STAM2: variants seen among roughly 807,000 people sequenced by gnomAD.
The protein encoded by STAM2 is signal transducing adapter molecule 2.
Under a neutral mutation model 65.6 loss-of-function variants are expected in STAM2, and 51 were observed. The observed-to-expected ratio is 0.78, with a 90% CI of 0.62 to 0.98. STAM2 has a LOEUF of 0.98. STAM2 is among the 50% of genes least tolerant of loss of function. The probability of loss-of-function intolerance (pLI) is 0.00; values close to 1 mark genes in which losing one functional copy is unlikely to be tolerated. For missense variants in STAM2, 584 were observed against 617.8 expected, an observed-to-expected ratio of 0.95 and a Z score of 0.58; for synonymous variants, 198 against 208.4, an observed-to-expected ratio of 0.95 and a Z score of 0.43.
In STAM2 at chr2:152,175,595, G is replaced by A. The variant is rs1690003584; in HGVS notation, c.40+8C>T. 1 of 1,613,872 alleles carries A rather than the reference G, an allele frequency of 6.2e-7. No individual in the cohort carries two copies. Among genetic ancestry groups the A allele is most frequent in the South Asian group, 1.1e-5 (1 of 91,070 alleles). ...ACACAGCAGTCCAGGACCGGGCACAGCACTCACCCACGTCTTGCTCGAAGG... is the reference window on the plus strand; with the variant it reads ...ACACAGCAGTCCAGGACCGGGCACAACACTCACCCACGTCTTGCTCGAAGG... On this transcript the variant is annotated splice_region_variant and intron_variant, in intron 1 of 13. Coordinates refer to ENST00000263904, the MANE Select transcript of STAM2 (RefSeq NM_005843.6).
chr2:152,144,283 T>C (rs1689300847), intron 6 of STAM2, among the ~76,000 whole-genome samples: 1 of 152,118 alleles, frequency 6.6e-6, no homozygotes, highest in Admixed American at 6.6e-5. Flanking sequence ...ATGGGTAGCT[T>C]TCCATATAGG....
chr2:152,168,305 C>T (rs1689832277), intron 1 of STAM2, among the ~76,000 whole-genome samples: 1 of 151,988 alleles, frequency 6.6e-6, no homozygotes, highest in African/African-American at 2.4e-5. Flanking sequence ...GGACTACAGG[C>T]ATGCACCACA....
At chr2:152,165,309 T>C (rs1252178606) in intron 1 of STAM2, among the ~76,000 whole-genome samples, 1 of 151,776 alleles carries the variant, frequency 6.6e-6, no homozygotes, top group African/African-American at 2.4e-5. Flanking sequence ...CATGCACCTG[T>C]AGTCCCAACT....
intron 1 of STAM2, among the ~76,000 whole-genome samples, chr2:152,152,907 C>T (rs1560219480): frequency 6.6e-6 from 1 of 152,116 alleles, no homozygotes. Context: ...CAAAAGAAGA[C>T]AGGGGCTTCA....
At chr2:152,164,005 T>C (rs766072839) in intron 1 of STAM2, among the ~76,000 whole-genome samples, 7 of 151,250 alleles carry the variant, frequency 4.6e-5, no homozygotes, top group Non-Finnish European at 1.0e-4. Flanking sequence ...GTGATCTTTA[T>C]TGGCCTCAGA....
chr2:152,134,892 T>A (rs1014309713), intron 8 of STAM2, among the ~76,000 whole-genome samples: 1 of 152,134 alleles, frequency 6.6e-6, no homozygotes, highest in African/African-American at 2.4e-5. Context: ...GAATAACAAA[T>A]GGAATGCTTT....
At chr2:152,165,399 C>A (rs1298266569) in intron 1 of STAM2, among the ~76,000 whole-genome samples, 1 of 152,050 alleles carries the variant, frequency 6.6e-6, no homozygotes, top group Admixed American at 6.6e-5. Flanking sequence ...CCACTGCACT[C>A]CAGCCTGGGC....
At chr2:152,169,391 C>T (rs1329829316) in intron 1 of STAM2, among the ~76,000 whole-genome samples, 1 of 152,128 alleles carries the variant, frequency 6.6e-6, no homozygotes, top group African/African-American at 2.4e-5. Context: ...ATCCTCCCAC[C>T]TCCATCTCCC....
At chr2:152,170,145 C>T (rs1180959879) in intron 1 of STAM2, among the ~76,000 whole-genome samples, 31 of 151,622 alleles carry the variant, frequency 2.0e-4, no homozygotes, top group East Asian at 3.9e-4. Flanking sequence ...CCAAGAGCTA[C>T]ACTTCTACTG....
chr2:152,129,740 A>C lies in STAM2; in HGVS notation c.1025+2374T>G, dbSNP rs115015396. 5.2e-3 allele frequency among the ~76,000 whole-genome samples: 798 copies of C among 152,310 alleles called. 4 individuals carry two copies. Among genetic ancestry groups the C allele is most frequent in the African/African-American group, 0.018 (760 of 41,568 alleles). ...TAAACATACAGCCACATCTATCATA[A>C]TACTTTTTAATCTTTTCCAGTTTGA... On this transcript the variant is annotated intron_variant, in intron 11 of 13. Coordinates refer to ENST00000263904, the MANE Select transcript of STAM2 (RefSeq NM_005843.6).
intron 11 of STAM2, among the ~76,000 whole-genome samples, chr2:152,127,957 C>T (rs541184623): frequency 9.9e-5 from 15 of 152,252 alleles, no homozygotes; most frequent in Non-Finnish European, 2.1e-4. Context: ...CAGAGGCACA[C>T]AGACAGACAC....
Position 152,133,394 on chromosome 2 carries a change from G to T in STAM2, c.882+8C>A. On this transcript the variant is annotated splice_region_variant and intron_variant, in intron 9 of 13. Coordinates refer to ENST00000263904, the MANE Select transcript of STAM2 (RefSeq NM_005843.6). ...TAGTTTAACTATTAAACAAAAGAGG[G>T]ACCCTACCTCATCTATATAAACAGG... is the stretch of plus-strand genomic sequence containing the variant. The T allele has an allele frequency of 6.2e-7, 1 of 1,605,482 alleles. No individual in the cohort carries two copies. Among genetic ancestry groups the T allele is most frequent in the South Asian group, 1.1e-5 (1 of 90,198 alleles).
rs2105548276 is a variant in STAM2, at chr2:152,147,151, A to G, written c.447+11T>C. Reference sequence around the variant, plus strand: ...TATAGGGTCAACCATGGGTCTGAATAAATCTCTCACCTGAGAACCTGCTGG... The same window carrying G: ...TATAGGGTCAACCATGGGTCTGAATGAATCTCTCACCTGAGAACCTGCTGG... On this transcript the variant is annotated intron_variant, in intron 5 of 13. Transcript: ENST00000263904. 6.3e-7 allele frequency: 1 copy of G among 1,597,674 alleles called. No individual in the cohort carries two copies. Among genetic ancestry groups the G allele is most frequent in the Non-Finnish European group, 8.5e-7 (1 of 1,174,602 alleles).
chr2:152,124,691 T>C (rs1382170470), intron 12 of STAM2: 1 of 152,218 alleles, frequency 6.6e-6, no homozygotes, highest in Non-Finnish European at 1.5e-5. Flanking sequence ...AATTAAGCTA[T>C]TTTTAAAGTA....
chr2:152,134,733 C>T (rs1380173681), intron 8 of STAM2, among the ~76,000 whole-genome samples: 1 of 152,140 alleles, frequency 6.6e-6, no homozygotes, highest in African/African-American at 2.4e-5. Context: ...TCTCACAGAA[C>T]CGTGAGATTG....
At chr2:152,128,208 C>T (rs1354352541) in intron 11 of STAM2, among the ~76,000 whole-genome samples, 5 of 152,086 alleles carry the variant, frequency 3.3e-5, no homozygotes, top group Non-Finnish European at 5.9e-5. Flanking sequence ...GAGATCGAGA[C>T]CATCCTGGCT....
chr2:152,145,310 T>G (rs1689318699), intron 5 of STAM2, among the ~76,000 whole-genome samples: 1 of 152,012 alleles, frequency 6.6e-6, no homozygotes, highest in African/African-American at 2.4e-5. Context: ...CTCAAGTGAT[T>G]CTCCTGTCTC....
At position 152,143,912 on chromosome 2, in the gene STAM2, C is replaced by T; in HGVS notation, c.619G>A (p.Val207Met). ...GCTTCAAAATCATATAAAGCTCTCA[C>T]TTTCCGTGCAACCTTATTATTTAAC... Reference protein sequence around the residue: ...IQLNNKVARKVRALYDFEAVE... With the variant: ...IQLNNKVARKMRALYDFEAVE... Residue 207 changes from valine to methionine, a missense_variant, in exon 7 of 14, where the codon GTG (valine) becomes ATG (methionine). Physicochemically the swap from Val to Met is conservative, Grantham distance 21. Transcript: ENST00000263904. 6.2e-7 allele frequency: 1 copy of T among 1,613,812 alleles called. No individual in the cohort carries two copies. The highest frequency in any genetic ancestry group is 8.5e-7 in the Non-Finnish European group (1 of 1,179,844).
Position 152,144,934 on chromosome 2 carries a change from A to G in STAM2, c.471T>C (p.Asn157=), listed in dbSNP as rs1164433919. The part of the protein sequence containing the change: ...GSQTVSAAAK[N]GTSSNKNKED... ...CTTTGTTTTTGTTCGATGACGTACCATTCTTGGCAGCAGCTGAGACAGTCT... is the reference window on the plus strand; with the variant it reads ...CTTTGTTTTTGTTCGATGACGTACCGTTCTTGGCAGCAGCTGAGACAGTCT... The change falls in exon 6 of 14, where the codon AAT becomes AAC. Residue 157 remains asparagine (N), a synonymous_variant. Transcript: ENST00000263904. 6.2e-7 allele frequency: 1 copy of G among 1,613,880 alleles called. No homozygotes were observed. The highest frequency in any genetic ancestry group is 8.5e-7 in the Non-Finnish European group (1 of 1,179,886).
Sources: allele counts gnomAD v4.1 joint callset (sites outside exome capture counted in the v4.1 genomes callset), GRCh38; gene constraint gnomAD v4.1.1; transcripts MANE v1.5; gene names NCBI Gene and HGNC (gene_info 2026-07-23, HGNC 2026-07-21).